Variants in PCDH15 observed in about 807,000 individuals in gnomAD.
PCDH15 encodes protocadherin-15.
In PCDH15, 129 loss-of-function variants were observed where a neutral mutation model predicts 178.5. That is an observed-to-expected ratio of 0.72 (90% CI 0.63 to 0.84). The LOEUF (loss-of-function observed/expected upper bound fraction) is 0.84, where lower values mean the gene tolerates loss of function less well. Ranked by LOEUF, PCDH15 falls within the 40% of genes least tolerant of loss-of-function variation. PCDH15 has a pLI of 0.00. For synonymous variants in PCDH15, 800 were observed against 732.0 expected, an observed-to-expected ratio of 1.09 and a Z score of -1.50; for missense variants, 2,230 against 2,099.9, an observed-to-expected ratio of 1.06 and a Z score of -1.21.
At position 54,450,725 on chromosome 10, in the gene PCDH15, C is replaced by A. The variant is rs532864611; in HGVS notation, c.158-71783G>T. Among the ~76,000 whole-genome samples the A allele has an allele frequency of 2.0e-5, 3 of 151,862 alleles. No homozygotes were observed. In the South Asian group the frequency reaches 6.2e-4, roughly 31 times the overall value. ...TTCAATTGAAAAAAAAATCCCATGACACCTATGATATTTACTTCTGTCATC... is the reference window on the plus strand; with the variant it reads ...TTCAATTGAAAAAAAAATCCCATGAAACCTATGATATTTACTTCTGTCATC... On this transcript the variant is annotated intron_variant, in intron 3 of 37. Transcript: ENST00000644397.
At chr10:55,598,481 C>G (rs982893363) in intron 2 of PCDH15, among the ~76,000 whole-genome samples, 1 of 138,318 alleles carries the variant, frequency 7.2e-6, no homozygotes, top group Non-Finnish European at 1.6e-5. Flanking sequence ...TCTTGTCACT[C>G]AGCCTATATA....
At chr10:54,194,278 G>A (rs2133907441) in intron 11 of PCDH15, among the ~76,000 whole-genome samples, 1 of 152,084 alleles carries the variant, frequency 6.6e-6, no homozygotes, top group South Asian at 2.1e-4. Flanking sequence ...GAGATATTAG[G>A]GAACATTCTA....
At chr10:55,051,103 CTTT>C (rs1406335806) in intron 2 of PCDH15, among the ~76,000 whole-genome samples, 3 of 151,980 alleles carry the variant, frequency 2.0e-5, no homozygotes, top group Non-Finnish European at 4.4e-5. Context: ...GGATTTACAC[CTTT>C]TTCTTTGGTA....
chr10:55,270,352 C>T (rs1297359810), intron 1 of PCDH15, among the ~76,000 whole-genome samples: 1 of 151,848 alleles, frequency 6.6e-6, no homozygotes, highest in Non-Finnish European at 1.5e-5. Flanking sequence ...GACCGACAAC[C>T]TACCAAATGG....
At chr10:54,217,754 T>A (rs2052264642) in intron 9 of PCDH15, among the ~76,000 whole-genome samples, 1 of 152,308 alleles carries the variant, frequency 6.6e-6, no homozygotes, top group South Asian at 2.1e-4. Context: ...AAATACTATT[T>A]ACCAATAAAA....
chr10:54,228,658 G>A (rs1020964266), intron 9 of PCDH15, among the ~76,000 whole-genome samples: 1 of 152,176 alleles, frequency 6.6e-6, no homozygotes, highest in African/African-American at 2.4e-5. Flanking sequence ...GCACTGTAAT[G>A]TTTGATGGCA....
chr10:53,976,484 G>C (rs1391384567), intron 21 of PCDH15, among the ~76,000 whole-genome samples: 2 of 152,034 alleles, frequency 1.3e-5, no homozygotes. Context: ...ATTTGCTTTT[G>C]TCTTTGCCTG....
chr10:54,008,697 G>A (rs549273784), intron 20 of PCDH15, among the ~76,000 whole-genome samples: 43 of 138,848 alleles, frequency 3.1e-4, no homozygotes, highest in Non-Finnish European at 5.5e-4. Flanking sequence ...GAAGAAAAGG[G>A]GAAATGTCAT....
intron 6 of PCDH15, among the ~76,000 whole-genome samples, chr10:54,337,948 G>A (rs1941509573): frequency 6.6e-6 from 1 of 152,142 alleles, no homozygotes; most frequent in Non-Finnish European, 1.5e-5. Context: ...TTTGAAAACT[G>A]TTCACTGAAA....
At chr10:55,017,631 T>G (rs999700002) in intron 2 of PCDH15, among the ~76,000 whole-genome samples, 2 of 152,142 alleles carry the variant, frequency 1.3e-5, no homozygotes, top group Non-Finnish European at 2.9e-5. Flanking sequence ...TAGAATATCC[T>G]CTATATGCCC....
chr10:55,166,699 T>C lies in PCDH15; in HGVS notation c.-155-48A>G, dbSNP rs567816461. Reference sequence around the variant, plus strand: ...AATACCACATCAAAATCAAAGTCGTTACTCTAGTGCAAAACATAGGAGCAA... The same window carrying C: ...AATACCACATCAAAATCAAAGTCGTCACTCTAGTGCAAAACATAGGAGCAA... On this transcript the variant is annotated intron_variant, in intron 1 of 5. Transcript: ENST00000458638. 6 of 152,326 alleles carry C rather than the reference T, an allele frequency of 3.9e-5. No individual in the cohort carries two copies. In the South Asian group the frequency reaches 1.2e-3, roughly 32 times the overall value. 9.4% of individuals were successfully genotyped at this position (152,326 alleles called of 1,614,324 possible).
In PCDH15 at chr10:54,905,652, G is replaced by GT. The variant is rs575980995; in HGVS notation, c.-79-8153dup. Among the ~76,000 whole-genome samples the GT allele has an allele frequency of 9.9e-5, 15 of 152,210 alleles. No individual in the cohort carries two copies. In the South Asian group the frequency reaches 2.9e-3, roughly 29 times the overall value. On this transcript the variant is annotated intron_variant, in intron 2 of 5. Transcript: ENST00000458638. Reference sequence around the variant, plus strand: ...AGGTAAGGCTTTTCAAGGAAACTAGGTCGTGAAAGAGAATATTGCTATAAT... The same window carrying GT: ...AGGTAAGGCTTTTCAAGGAAACTAGGTTCGTGAAAGAGAATATTGCTATAAT...
intron 2 of PCDH15, among the ~76,000 whole-genome samples, chr10:55,081,278 TTC>T (rs1842035321): frequency 6.6e-6 from 1 of 152,118 alleles, no homozygotes; most frequent in African/African-American, 2.4e-5. Flanking sequence ...CACAGTTTTG[TTC>T]TTTTTTTCTG....
chr10:54,604,735 A>C (rs1184432056), intron 2 of PCDH15, among the ~76,000 whole-genome samples: 1 of 151,856 alleles, frequency 6.6e-6, no homozygotes, highest in African/African-American at 2.4e-5. Context: ...ATCCTTTTAC[A>C]TTTAAAGTAA....
chr10:54,032,360 C>T (rs115656579), intron 18 of PCDH15, among the ~76,000 whole-genome samples: 4,182 of 151,816 alleles, frequency 0.028, 195 homozygotes, highest in African/African-American at 0.097. Context: ...TTTTTAATAG[C>T]CCACATGAAA....
intron 28 of PCDH15, among the ~76,000 whole-genome samples, chr10:53,847,789 T>C (rs897475059): frequency 3.9e-5 from 6 of 152,140 alleles, no homozygotes; most frequent in African/African-American, 1.4e-4. Context: ...TGATCCTTTC[T>C]TTAACTTCTT....
intron 7 of PCDH15, among the ~76,000 whole-genome samples, chr10:54,323,088 T>G (rs1468772712): frequency 2.0e-5 from 3 of 152,054 alleles, no homozygotes; most frequent in Non-Finnish European, 2.9e-5. Context: ...AAGACATACA[T>G]GCAGCCAACA....
intron 3 of PCDH15, among the ~76,000 whole-genome samples, chr10:54,814,896 C>T (rs1952923573): frequency 6.6e-6 from 1 of 152,072 alleles, no homozygotes; most frequent in Non-Finnish European, 1.5e-5. Context: ...TATTTCTTGA[C>T]CTTCATACCA....
chr10:54,534,121 A>G (rs1000796419), intron 2 of PCDH15, among the ~76,000 whole-genome samples: 1 of 152,080 alleles, frequency 6.6e-6, no homozygotes, highest in African/African-American at 2.4e-5. Context: ...CTAGGCCTAC[A>G]TTTGCTTTTA....
Sources: allele counts gnomAD v4.1 joint callset (sites outside exome capture counted in the v4.1 genomes callset), GRCh38; gene constraint gnomAD v4.1.1; transcripts MANE v1.5; gene names NCBI Gene and HGNC (gene_info 2026-07-23, HGNC 2026-07-21).